LZTS1: variants seen among roughly 807,000 people sequenced by gnomAD.
LZTS1 encodes leucine zipper putative tumor suppressor 1.
Under a neutral mutation model 45.8 loss-of-function variants are expected in LZTS1, and 31 were observed. The observed-to-expected ratio is 0.68, with a 90% CI of 0.51 to 0.91. The LOEUF is 0.91. Ranked by LOEUF, LZTS1 falls within the 40% of genes least tolerant of loss-of-function variation. The pLI is 0.00. For missense variants in LZTS1, 821 were observed against 788.9 expected (o/e 1.04, Z -0.49); for synonymous variants, 359 against 357.3 (o/e 1.00, Z -0.05).
intron 1 of LZTS1, among the ~76,000 whole-genome samples, chr8:20,278,510 C>T (rs955315196): frequency 1.3e-5 from 2 of 152,136 alleles, no homozygotes; most frequent in Non-Finnish European, 2.9e-5. Context: ...GGCCTCCCAC[C>T]GGGCTCTCTT....
At chr8:20,278,391 A>G (rs1800625180) in intron 1 of LZTS1, among the ~76,000 whole-genome samples, 1 of 152,224 alleles carries the variant, frequency 6.6e-6, no homozygotes, top group Non-Finnish European at 1.5e-5. Context: ...GCCACTGTGC[A>G]TGTGGACAGC....
At chr8:20,263,314 C>T (rs1009013928) in intron 1 of LZTS1, among the ~76,000 whole-genome samples, 25 of 151,560 alleles carry the variant, frequency 1.6e-4, no homozygotes, top group African/African-American at 7.3e-5. Flanking sequence ...AACCACAACA[C>T]GAGGGTCTGG....
At position 20,251,098 on chromosome 8, in the gene LZTS1, A is replaced by AAT. The variant is rs527759585; in HGVS notation, c.1150-737_1150-736dup. On this transcript the variant is annotated intron_variant, in intron 3 of 3. Transcript: ENST00000381569. The stretch of plus-strand genomic sequence containing the variant: ...TGGTGAAGTGACCAGCCTGAGGGCT[A>AAT]ATATATATATATATATATATATATA... 7.8e-3 allele frequency among the ~76,000 whole-genome samples: 318 copies of AAT among 41,012 alleles called. 4 individuals carry two copies. Among genetic ancestry groups the AAT allele is most frequent in the Non-Finnish European group, 0.012 (204 of 17,380 alleles). 26.9% of individuals were successfully genotyped at this position (41,012 alleles called of 152,430 possible).
intron 3 of LZTS1, among the ~76,000 whole-genome samples, chr8:20,251,125 AT>A (rs1325367906): frequency 6.4e-5 from 2 of 31,014 alleles, no homozygotes; most frequent in African/African-American, 3.2e-4. Flanking sequence ...ATATATATAT[AT>A]ATATATATAT....
intron 1 of LZTS1, among the ~76,000 whole-genome samples, chr8:20,272,606 C>G (rs1800495138): frequency 6.6e-6 from 1 of 152,202 alleles, no homozygotes; most frequent in African/African-American, 2.4e-5. Context: ...TTGCCACTTA[C>G]AAAGCCCTGT....
intron 1 of LZTS1, among the ~76,000 whole-genome samples, chr8:20,266,359 A>G (rs538581703): frequency 6.6e-6 from 1 of 152,284 alleles, no homozygotes; most frequent in East Asian, 1.9e-4. Flanking sequence ...ACCAGCTCAT[A>G]AGGAGGCACA....
chr8:20,280,567 A>G (rs73669758), intron 1 of LZTS1, among the ~76,000 whole-genome samples: 9,943 of 152,266 alleles, frequency 0.065, 397 homozygotes, highest in Non-Finnish European at 0.087. Context: ...CACTTGAAAT[A>G]AAAAAGCAGC....
intron 1 of LZTS1, among the ~76,000 whole-genome samples, chr8:20,294,432 G>A (rs61249342): frequency 0.019 from 2,866 of 152,344 alleles, 106 homozygotes; most frequent in African/African-American, 0.066. Flanking sequence ...AGGAGCCGAA[G>A]GCAGCTGGGG....
In LZTS1 at chr8:20,251,638, TA is replaced by T. The variant is rs112269862; in HGVS notation, c.1149+1143del. On this transcript the variant is annotated intron_variant, in intron 3 of 3. Coordinates refer to ENST00000381569, the MANE Select transcript of LZTS1 (RefSeq NM_021020.5). ...CTCTTGGCCAAATTTTGATGGGGGA[TA>T]GGGGTGGAAATAGAGAAGAAGAGCA... Among the ~76,000 whole-genome samples, 282 of 152,140 alleles carry T rather than the reference TA, an allele frequency of 1.9e-3. 1 individual carries two copies. Among genetic ancestry groups the T allele is most frequent in the African/African-American group, 6.4e-3 (266 of 41,514 alleles).
Position 20,249,378 on chromosome 8 carries a change from T to G in LZTS1, c.*344A>C. The G allele has an allele frequency of 3.9e-6, 1 of 253,274 alleles. No homozygotes were observed. Among genetic ancestry groups the G allele is most frequent in the Non-Finnish European group, 7.6e-6 (1 of 131,356 alleles). The allele number at this position is 253,274 out of a possible 1,614,324, so 15.7% of individuals were successfully genotyped here. ...GATGAGAAGCAGAGGGGAGCCGCTG[T>G]ACTTGCTGTGGCCACCTTCCCTGGA... is the stretch of plus-strand genomic sequence containing the variant. On this transcript the variant is annotated 3_prime_UTR_variant, in exon 4 of 4. Coordinates refer to ENST00000381569, the MANE Select transcript of LZTS1 (RefSeq NM_021020.5).
At chr8:20,269,220 G>T (rs1403197103) in intron 1 of LZTS1, among the ~76,000 whole-genome samples, 1 of 152,154 alleles carries the variant, frequency 6.6e-6, no homozygotes, top group Non-Finnish European at 1.5e-5. Context: ...TGGACCCCAG[G>T]GCCCAAGTGA....
chr8:20,294,421 G>A (rs560476618), intron 1 of LZTS1, among the ~76,000 whole-genome samples: 37 of 152,370 alleles, frequency 2.4e-4, no homozygotes, highest in African/African-American at 8.4e-4. Flanking sequence ...CTGGCAAGGG[G>A]AGGAGCCGAA....
rs555782419 is a variant in LZTS1, at chr8:20,250,295, G to A, written c.1218C>T (p.Asn406=). ...QQLKESQTEV[N]AKASEILGLK... The stretch of plus-strand genomic sequence containing the variant: ...GACCCAGGATCTCGCTAGCCTTGGC[G>A]TTCACCTCCGTCTGGGACTCCTTCA... The change falls in exon 4 of 4, where the codon AAC becomes AAT. Residue 406 remains asparagine (N), a synonymous_variant. Transcript: ENST00000381569. 141 of 1,613,698 alleles carry A rather than the reference G, an allele frequency of 8.7e-5. 1 individual carries two copies. In the South Asian group the frequency reaches 1.0e-3, roughly 12 times the overall value.
chr8:20,267,592 T>C (rs1800387357), intron 1 of LZTS1, among the ~76,000 whole-genome samples: 1 of 152,192 alleles, frequency 6.6e-6, no homozygotes, highest in African/African-American at 2.4e-5. Flanking sequence ...CTCGGCTCAC[T>C]GCAACCTCTG....
At chr8:20,284,786 C>T (rs140944153) in intron 1 of LZTS1, among the ~76,000 whole-genome samples, 323 of 152,264 alleles carry the variant, frequency 2.1e-3, no homozygotes, top group Non-Finnish European at 3.2e-3. Context: ...ACCCATTCTA[C>T]ACAAAGGTCA....
intron 1 of LZTS1, among the ~76,000 whole-genome samples, chr8:20,287,401 AAGAAGT>A (rs1800810924): frequency 6.6e-6 from 1 of 152,244 alleles, no homozygotes; most frequent in Non-Finnish European, 1.5e-5. Flanking sequence ...GATGCTCAGC[AAGAAGT>A]AAAAGGTGAA....
chr8:20,269,210 T>C (rs1368047107), intron 1 of LZTS1, among the ~76,000 whole-genome samples: 1 of 152,232 alleles, frequency 6.6e-6, no homozygotes, highest in African/African-American at 2.4e-5. Flanking sequence ...ATTCATGGCT[T>C]GGACCCCAGG....
intron 1 of LZTS1, among the ~76,000 whole-genome samples, chr8:20,294,315 G>A (rs1423870269): frequency 6.6e-6 from 1 of 152,226 alleles, no homozygotes; most frequent in Non-Finnish European, 1.5e-5. Flanking sequence ...GATAGATGAA[G>A]AAATCCTGTC....
chr8:20,282,044 C>T (rs1800702745), intron 1 of LZTS1, among the ~76,000 whole-genome samples: 1 of 152,162 alleles, frequency 6.6e-6, no homozygotes, highest in Non-Finnish European at 1.5e-5. Flanking sequence ...AACTTCTCCT[C>T]TGAGTACTGC....
Sources: allele counts gnomAD v4.1 joint callset (sites outside exome capture counted in the v4.1 genomes callset), GRCh38; gene constraint gnomAD v4.1.1; transcripts MANE v1.5; gene names NCBI Gene and HGNC (gene_info 2026-07-23, HGNC 2026-07-21).